The following CMYA5 variants were observed in gnomAD, a reference collection of about 807,000 sequenced individuals.
CMYA5 encodes cardiomyopathy associated 5, also known as cardiomyopathy-associated protein 5.
CMYA5 carries 246 observed loss-of-function variants against 318.9 expected under a neutral mutation model. The observed-to-expected ratio is 0.77, with a 90% CI of 0.70 to 0.86. The LOEUF (loss-of-function observed/expected upper bound fraction) is 0.86, where lower values mean the gene tolerates loss of function less well. CMYA5 is among the 40% of genes least tolerant of loss of function. The probability of loss-of-function intolerance (pLI) is 0.00; values close to 1 mark genes in which losing one functional copy is unlikely to be tolerated. For synonymous variants in CMYA5, 1,641 were observed against 1,729.5 expected (o/e 0.95, Z 1.27); for missense variants, 4,589 against 4,678.2 (o/e 0.98, Z 0.56).
intron 9 of CMYA5, among the ~76,000 whole-genome samples, chr5:79,776,485 T>A (rs769267059): frequency 1.3e-5 from 2 of 152,138 alleles, no homozygotes; most frequent in Admixed American, 6.5e-5. Context: ...CTCAAGTAGT[T>A]TTTTTTTCCT....
chr5:79,706,846 T>C (rs60024054), intron 1 of CMYA5, among the ~76,000 whole-genome samples: 3,297 of 152,290 alleles, frequency 0.022, 118 homozygotes, highest in African/African-American at 0.074. Context: ...TTTTATTCTG[T>C]AGCAATAGTT....
intron 1 of CMYA5, among the ~76,000 whole-genome samples, chr5:79,691,033 C>T (rs1424103604): frequency 6.6e-6 from 1 of 152,232 alleles, no homozygotes; most frequent in Admixed American, 6.5e-5. Flanking sequence ...AGCACAGTCC[C>T]TGGCCTCAAG....
chr5:79,767,053 A>T (rs1183275901), intron 9 of CMYA5, among the ~76,000 whole-genome samples: 1 of 152,126 alleles, frequency 6.6e-6, no homozygotes, highest in Non-Finnish European at 1.5e-5. Flanking sequence ...TGTGTCCAGG[A>T]ATTTATCCAT....
rs781630498 is a variant in CMYA5 at position 79,738,057 on chromosome 5, G to A, written c.9292G>A (p.Val3098Met). Residue 3098 changes from valine to methionine, a missense_variant, in exon 2 of 13, where the codon GTG (valine) becomes ATG (methionine). This residue lies in a region of CMYA5 where 2,431 missense variants were observed against 2,495.1 expected (regional missense o/e 0.97). Coordinates refer to ENST00000446378, the MANE Select transcript of CMYA5 (RefSeq NM_153610.5). Reference sequence around the variant, plus strand: ...AACTATCTCTTTCCCAGTAAGTTCAGTGGAAAGTGCACTAGAACATGAATA... The same window carrying A: ...AACTATCTCTTTCCCAGTAAGTTCAATGGAAAGTGCACTAGAACATGAATA... ...EETISFPVSS[V>M]ESALEHEYDL... 5 of 1,613,180 alleles carry A rather than the reference G, an allele frequency of 3.1e-6. No individual in the cohort carries two copies. Among genetic ancestry groups the A allele is most frequent in the Middle Eastern group, 1.7e-4 (1 of 6,054 alleles).
At chr5:79,724,214 C>T in intron 1 of CMYA5, among the ~76,000 whole-genome samples, 1 of 151,888 alleles carries the variant, frequency 6.6e-6, no homozygotes, top group Non-Finnish European at 1.5e-5. Context: ...ATCCCATCTA[C>T]TTGGGAGGCT....
intron 4 of CMYA5, among the ~76,000 whole-genome samples, chr5:79,746,021 C>T (rs1402004152): frequency 6.6e-6 from 1 of 152,230 alleles, no homozygotes; most frequent in African/African-American, 2.4e-5. Flanking sequence ...AACTTGTAGA[C>T]ATGGAAATTC....
At position 79,729,259 on chromosome 5, in the gene CMYA5, A is replaced by T; in HGVS notation, c.494A>T (p.Lys165Ile). Residue 165 changes from lysine to isoleucine, a missense_variant, in exon 2 of 13, where the codon AAA (lysine) becomes ATA (isoleucine). Coordinates refer to ENST00000446378, the MANE Select transcript of CMYA5 (RefSeq NM_153610.5). ...GAATCCCAAGATGTTCCAACAAACA[A>T]AAAAGGCAGTCCTTTAACTTCAGCA... ...SFESQDVPTN[K>I]KGSPLTSASQ... The T allele has an allele frequency of 6.2e-7, 1 of 1,611,764 alleles. No individual in the cohort carries two copies. Among genetic ancestry groups the T allele is most frequent in the Non-Finnish European group, 8.5e-7 (1 of 1,179,338 alleles).
rs1289508929 is a variant in CMYA5, at chr5:79,731,415, G to A, written c.2650G>A (p.Asp884Asn). The change falls in exon 2 of 13, where the codon GAC becomes AAC. Residue 884 changes from aspartate (D) to asparagine (N), a missense_variant. By Grantham distance (23) the Asp-to-Asn change is conservative (BLOSUM62 1). Around this residue, in one of 3 missense-constraint regions of CMYA5, gnomAD observed 2,132 missense variants for 2,131.3 expected, o/e 1.00. Coordinates refer to ENST00000446378, the MANE Select transcript of CMYA5 (RefSeq NM_153610.5). ...CCCATCTGAATATGTTGTTCTATCA[G>A]ACGAAGAGGCAGTCGAGTTGGAACG... The part of the protein sequence containing the change: ...ATPSEYVVLS[D>N]EEAVELERYT... 1 of 1,613,662 alleles carries A rather than the reference G, an allele frequency of 6.2e-7. No homozygotes were observed. Among genetic ancestry groups the A allele is most frequent in the Non-Finnish European group, 8.5e-7 (1 of 1,179,828 alleles).
At chr5:79,720,818 C>A (rs1271942321) in intron 1 of CMYA5, among the ~76,000 whole-genome samples, 1 of 151,888 alleles carries the variant, frequency 6.6e-6, no homozygotes, top group African/African-American at 2.4e-5. Context: ...GTAGGAAGAG[C>A]TTGTCCCCAG....
At chr5:79,721,385 G>A (rs966957088) in intron 1 of CMYA5, among the ~76,000 whole-genome samples, 1 of 151,526 alleles carries the variant, frequency 6.6e-6, no homozygotes, top group Non-Finnish European at 1.5e-5. Flanking sequence ...AGAATAGGTA[G>A]GACAAATAGA....
At chr5:79,765,941 C>A (rs259105) in intron 9 of CMYA5, among the ~76,000 whole-genome samples, 64,881 of 151,924 alleles carry the variant, frequency 0.43, 15,486 homozygotes, top group African/African-American at 0.64. Context: ...GCAAACACAG[C>A]CAATTTAACT....
At position 79,732,549 on chromosome 5, in the gene CMYA5, G is replaced by A; in HGVS notation, c.3784G>A (p.Val1262Met). 1 of 1,613,038 alleles carries A rather than the reference G, an allele frequency of 6.2e-7. No individual in the cohort carries two copies. Among genetic ancestry groups the A allele is most frequent in the South Asian group, 1.1e-5 (1 of 90,810 alleles). The part of the protein sequence containing the change: ...KGVKPKLVLN[V>M]TSELEQRKLS... The stretch of plus-strand genomic sequence containing the variant: ...TGTCAAGCCCAAATTAGTTCTAAAT[G>A]TGACTTCTGAACTAGAACAGAGAAA... The change falls in exon 2 of 13, where the codon GTG (valine) becomes ATG (methionine). Residue 1262 changes from valine to methionine, a missense_variant. By Grantham distance (21) the Val-to-Met change is conservative. Coordinates refer to ENST00000446378, the MANE Select transcript of CMYA5 (RefSeq NM_153610.5).
At position 79,734,076 on chromosome 5, in the gene CMYA5, C is replaced by T; in HGVS notation, c.5311C>T (p.Pro1771Ser). The change falls in exon 2 of 13, where the codon CCA becomes TCA. Residue 1771 changes from proline to serine, a missense_variant. Pro to Ser is a moderately conservative substitution (Grantham distance 74, BLOSUM62 -1). Coordinates refer to ENST00000446378, the MANE Select transcript of CMYA5 (RefSeq NM_153610.5). ...FKKGGNQEIG[P>S]LPPTGNLKAQ... is the part of the protein sequence containing the mutation. ...AAAGGGAGGAAATCAAGAAATAGGC[C>T]CATTACCACCAACTGGAAATTTGAA... 1 of 1,613,718 alleles carries T rather than the reference C, an allele frequency of 6.2e-7. No homozygotes were observed. The highest frequency in any genetic ancestry group is 8.5e-7 in the Non-Finnish European group (1 of 1,179,816).
intron 3 of CMYA5, 28 bp downstream of exon 3, chr5:79,743,950 A>G (rs768251528): frequency 2.5e-6 from 3 of 1,192,518 alleles, no homozygotes; most frequent in Non-Finnish European, 3.6e-6. Flanking sequence ...TTTTACCTTA[A>G]CCTGGCTTGT....
chr5:79,698,518 AG>A (rs1827116048), intron 1 of CMYA5, among the ~76,000 whole-genome samples: 1 of 152,190 alleles, frequency 6.6e-6, no homozygotes, highest in Admixed American at 6.5e-5. Context: ...CATGCAAGCC[AG>A]CAGGCTAATG....
rs746858604 is a variant in CMYA5, at chr5:79,729,101, A to G, written c.336A>G (p.Ser112=). Residue 112 remains serine (S), a synonymous_variant, in exon 2 of 13, where the codon TCA becomes TCG. Transcript: ENST00000446378. ...CTGGTGTGTGTAGTCGGGAAGGGTC[A>G]ACTGTGAATTCTCCTCCTGGAAATG... The part of the protein sequence containing the change: ...QTSGVCSREG[S]TVNSPPGNVS... 6.2e-7 allele frequency: 1 copy of G among 1,613,580 alleles called. No homozygotes were observed. Among genetic ancestry groups the G allele is most frequent in the East Asian group, 2.2e-5 (1 of 44,880 alleles).
intron 8 of CMYA5, 130 bp from the exon 9 acceptor site, chr5:79,762,932 C>A (rs1828680072): frequency 4.6e-6 from 5 of 1,079,888 alleles, no homozygotes; most frequent in African/African-American, 3.2e-5. Flanking sequence ...GGGTTTTTAA[C>A]ACAGAATACA....
intron 1 of CMYA5, among the ~76,000 whole-genome samples, chr5:79,727,532 ATTG>A (rs1195145845): frequency 2.0e-5 from 3 of 151,698 alleles, no homozygotes; most frequent in Non-Finnish European, 4.4e-5. Context: ...TTTTGTTTTT[ATTG>A]TTGTAGACAG....
rs527354276 is a variant in CMYA5, at chr5:79,722,716, G to A, written c.150-6199G>A. On this transcript the variant is annotated intron_variant, in intron 1 of 12. Coordinates refer to ENST00000446378, the MANE Select transcript of CMYA5 (RefSeq NM_153610.5). Reference sequence around the variant, plus strand: ...AAAAAAAATCTATCTGAAAAAGATAGTATAAATATTAAATAAAAAATCGAG... The same window carrying A: ...AAAAAAAATCTATCTGAAAAAGATAATATAAATATTAAATAAAAAATCGAG... 4.9e-3 allele frequency among the ~76,000 whole-genome samples: 731 copies of A among 148,018 alleles called. 4 individuals carry two copies. Among genetic ancestry groups the A allele is most frequent in the Non-Finnish European group, 8.4e-3 (565 of 66,914 alleles).
Sources: allele counts gnomAD v4.1 joint callset (sites outside exome capture counted in the v4.1 genomes callset), GRCh38; gene constraint gnomAD v4.1.1; regional missense constraint gnomAD v4.1.1; transcripts MANE v1.5; gene names NCBI Gene and HGNC (gene_info 2026-07-23, HGNC 2026-07-21).